The following VAMP7 variants were observed in gnomAD, a reference collection of about 807,000 sequenced individuals.
VAMP7 encodes vesicle-associated membrane protein 7.
Under a neutral mutation model 29.6 loss-of-function variants are expected in VAMP7, and 14 were observed. That is an observed-to-expected ratio of 0.47 (90% CI 0.31 to 0.74). VAMP7 has a LOEUF of 0.74. Among genes scored for constraint, VAMP7 ranks in the 30% least tolerant of loss-of-function variants. The pLI is 0.05. For missense variants in VAMP7, 223 were observed against 262.4 expected (o/e 0.85, Z 1.04); for synonymous variants, 95 against 88.1 (o/e 1.08, Z -0.44).
At chrX:155,923,622 G>T in intron 6 of VAMP7, among the ~76,000 whole-genome samples, 1 of 150,740 alleles carries the variant, frequency 6.6e-6, no homozygotes, top group African/African-American at 2.4e-5. Context: ...CTTTATCATT[G>T]GTTTTAAGAA....
intron 5 of VAMP7, among the ~76,000 whole-genome samples, chrX:155,901,854 G>A (rs1171174931): frequency 2.0e-5 from 3 of 152,068 alleles, no homozygotes; most frequent in Non-Finnish European, 2.9e-5. Flanking sequence ...TGGTGATGCG[G>A]GCTCTTTTTT....
chrX:155,898,385 C>A, intron 4 of VAMP7, 136 bp downstream of exon 4: 1 of 1,185,714 alleles, frequency 8.4e-7, no homozygotes, highest in Non-Finnish European at 1.1e-6. Context: ...TAAAACTTCC[C>A]TGATTAAAAA....
At chrX:155,885,601 A>G (rs781189073) in intron 1 of VAMP7, among the ~76,000 whole-genome samples, 23 of 151,906 alleles carry the variant, frequency 1.5e-4, no homozygotes, top group African/African-American at 5.3e-4. Flanking sequence ...GTAATTGAAA[A>G]TGGGGTCATA....
chrX:155,926,626 A>G (rs1002841451), intron 6 of VAMP7, among the ~76,000 whole-genome samples: 7 of 152,180 alleles, frequency 4.6e-5, no homozygotes, highest in Non-Finnish European at 1.0e-4. Flanking sequence ...GCTTTCTTAT[A>G]TGTGTGTTCA....
intron 5 of VAMP7, among the ~76,000 whole-genome samples, chrX:155,907,910 C>T (rs1338086452): frequency 1.3e-5 from 2 of 152,156 alleles, no homozygotes; most frequent in African/African-American, 4.8e-5. Context: ...ACGCTCCTCA[C>T]CTCCCAGAAG....
chrX:155,884,112 C>G (rs1430233070), intron 1 of VAMP7, among the ~76,000 whole-genome samples: 2 of 151,880 alleles, frequency 1.3e-5, no homozygotes. Flanking sequence ...ATAAAAGCCT[C>G]AAGTATTAAA....
intron 5 of VAMP7, among the ~76,000 whole-genome samples, chrX:155,912,166 C>A (rs1349757824): frequency 1.3e-5 from 2 of 151,836 alleles, no homozygotes; most frequent in Non-Finnish European, 1.5e-5. Context: ...CCTTCTATGC[C>A]TAGTTTTTTG....
Position 155,919,890 on chromosome X carries a change from G to A in VAMP7, c.501+10G>A. On this transcript the variant is annotated intron_variant, in intron 6 of 7. Coordinates refer to ENST00000286448, the MANE Select transcript of VAMP7 (RefSeq NM_005638.6). ...AAATCTTGTGGATTCTGTAAGTATGGAATCTGATAATATGGAGTCTGATGT... is the reference window on the plus strand; with the variant it reads ...AAATCTTGTGGATTCTGTAAGTATGAAATCTGATAATATGGAGTCTGATGT... 1 of 1,605,004 alleles carries A rather than the reference G, an allele frequency of 6.2e-7. No individual in the cohort carries two copies. Among genetic ancestry groups the A allele is most frequent in the Non-Finnish European group, 8.5e-7 (1 of 1,172,586 alleles).
intron 1 of VAMP7, among the ~76,000 whole-genome samples, chrX:155,884,710 A>G (rs1199818087): frequency 6.6e-6 from 1 of 152,236 alleles, no homozygotes; most frequent in Non-Finnish European, 1.5e-5. Context: ...TAAGATACAC[A>G]TGTAGATGAT....
intron 5 of VAMP7, among the ~76,000 whole-genome samples, chrX:155,907,079 A>C (rs1441828669): frequency 6.6e-6 from 1 of 151,926 alleles, no homozygotes; most frequent in African/African-American, 2.4e-5. Flanking sequence ...GTTCTTTATT[A>C]ATATGATGTA....
chrX:155,905,247 T>C (rs991942192), intron 5 of VAMP7, among the ~76,000 whole-genome samples: 4 of 152,122 alleles, frequency 2.6e-5, no homozygotes, highest in Admixed American at 2.6e-4. Flanking sequence ...TTAAAAATAC[T>C]TTATTGTTTT....
At chrX:155,938,032 T>C (rs951583549) in intron 6 of VAMP7, among the ~76,000 whole-genome samples, 2 of 152,216 alleles carry the variant, frequency 1.3e-5, no homozygotes, top group Non-Finnish European at 2.9e-5. Context: ...GTTTTTGGAA[T>C]GTTGTCATGT....
intron 1 of VAMP7, among the ~76,000 whole-genome samples, chrX:155,888,746 C>G (rs189983786): frequency 1.9e-4 from 29 of 152,214 alleles, no homozygotes; most frequent in Admixed American, 1.8e-3. Flanking sequence ...TGGATAATGC[C>G]TTTATACTGG....
At chrX:155,904,782 T>G (rs373849384) in intron 5 of VAMP7, among the ~76,000 whole-genome samples, 1 of 151,940 alleles carries the variant, frequency 6.6e-6, no homozygotes, top group Non-Finnish European at 1.5e-5. Flanking sequence ...TTATGACTAA[T>G]AATTCCAATG....
At chrX:155,918,767 C>A (rs1191978446) in intron 5 of VAMP7, among the ~76,000 whole-genome samples, 1 of 152,144 alleles carries the variant, frequency 6.6e-6, no homozygotes, top group Non-Finnish European at 1.5e-5. Context: ...ATCTTGCCAA[C>A]CACCCTGAGA....
chrX:155,892,959 G>T (rs1260573589), intron 2 of VAMP7, among the ~76,000 whole-genome samples: 3 of 151,940 alleles, frequency 2.0e-5, no homozygotes, highest in Admixed American at 6.6e-5. Flanking sequence ...CACCATGTTG[G>T]CCAGGCAGGT....
At position 155,889,569 on chromosome X, in the gene VAMP7, A is replaced by G; in HGVS notation, c.103A>G (p.Lys35Glu). 1 of 1,613,964 alleles carries G rather than the reference A, an allele frequency of 6.2e-7. No individual in the cohort carries two copies. The highest frequency in any genetic ancestry group is 8.5e-7 in the Non-Finnish European group (1 of 1,179,866). Residue 35 changes from lysine (K) to glutamate (E), a missense_variant, in exon 2 of 8, where the codon AAG becomes GAG. Physicochemically the swap from Lys to Glu is moderately conservative, Grantham distance 56. Transcript: ENST00000286448. ...FLEVTEQILA[K>E]IPSENNKLTY... ...GGAGGTGACAGAGCAGATTCTGGCTAAGATACCTTCTGAAAATAACAAACT... is the reference window on the plus strand; with the variant it reads ...GGAGGTGACAGAGCAGATTCTGGCTGAGATACCTTCTGAAAATAACAAACT...
rs201225608 is a variant in VAMP7, at chrX:155,932,517, A to G, written c.502-7184A>G. Among the ~76,000 whole-genome samples the G allele has an allele frequency of 2.3e-3, 343 of 152,084 alleles. 4 individuals carry two copies. Among genetic ancestry groups the G allele is most frequent in the Admixed American group, 0.014 (221 of 15,276 alleles). On this transcript the variant is annotated intron_variant, in intron 6 of 7. Coordinates refer to ENST00000286448, the MANE Select transcript of VAMP7 (RefSeq NM_005638.6). ...TGATTTGGCTCTCTGTTTGTCTGTTATTGGTGTATAAGAATGCTTGTGATT... is the reference window on the plus strand; with the variant it reads ...TGATTTGGCTCTCTGTTTGTCTGTTGTTGGTGTATAAGAATGCTTGTGATT...
intron 5 of VAMP7, among the ~76,000 whole-genome samples, chrX:155,913,384 C>T (rs1320407267): frequency 6.6e-6 from 1 of 152,036 alleles, no homozygotes; most frequent in Non-Finnish European, 1.5e-5. Context: ...TAATTAGATC[C>T]CATTTGTCAA....
Sources: gnomAD v4.1 joint callset for allele counts (sites outside exome capture counted in the v4.1 genomes callset) on GRCh38, gnomAD v4.1.1 for gene constraint, MANE v1.5 for transcripts, NCBI Gene and HGNC (gene_info 2026-07-23, HGNC 2026-07-21) for gene names.